ITGA6: variants seen among roughly 807,000 people sequenced by gnomAD.
ITGA6 encodes the protein integrin alpha-6.
Under a neutral mutation model 133.6 loss-of-function variants are expected in ITGA6, and 63 were observed. The observed-to-expected ratio is 0.47, with a 90% CI of 0.38 to 0.58. The LOEUF is 0.58. Ranked by LOEUF, ITGA6 falls within the 20% of genes least tolerant of loss-of-function variation. The probability of loss-of-function intolerance (pLI) is 0.00; values close to 1 mark genes in which losing one functional copy is unlikely to be tolerated. For missense variants in ITGA6, 1,068 were observed against 1,309.4 expected (o/e 0.82, Z 2.85); for synonymous variants, 434 against 482.0 (o/e 0.90, Z 1.30).
intron 1 of ITGA6, among the ~76,000 whole-genome samples, chr2:172,429,901 C>T (rs186780747): frequency 6.2e-4 from 94 of 152,252 alleles, no homozygotes; most frequent in Non-Finnish European, 1.0e-3. Context: ...CATTGGTCTT[C>T]CCAGGAGAAC....
intron 1 of ITGA6, among the ~76,000 whole-genome samples, chr2:172,451,493 C>T (rs1048715374): frequency 1.3e-5 from 2 of 150,572 alleles, no homozygotes; most frequent in African/African-American, 4.9e-5. Flanking sequence ...ATGCTTATGG[C>T]AAGCCTGGCT....
chr2:172,474,373 T>A, intron 6 of ITGA6, 108 bp downstream of exon 6: 1 of 979,588 alleles, frequency 1.0e-6, no homozygotes, highest in Non-Finnish European at 1.6e-6. Context: ...TAAAGAATAT[T>A]TTTATTGCCG....
At chr2:172,470,295 G>A (rs1685864884) in intron 4 of ITGA6, among the ~76,000 whole-genome samples, 1 of 151,826 alleles carries the variant, frequency 6.6e-6, no homozygotes, top group Non-Finnish European at 1.5e-5. Context: ...GTATTTCCCA[G>A]GTTATTTTGA....
rs574607831 is a variant in ITGA6 at position 172,445,940 on chromosome 2, C to T, written c.182+17970C>T. 9.2e-5 allele frequency among the ~76,000 whole-genome samples: 14 copies of T among 152,332 alleles called. No homozygotes were observed. In the South Asian group the frequency reaches 2.3e-3, roughly 25 times the overall value. Reference sequence around the variant, plus strand: ...AGCAGCAGTGTGATGCTTTGTCACACGTCCTATTCAGCAGAACTGAGTTGT... The same window carrying T: ...AGCAGCAGTGTGATGCTTTGTCACATGTCCTATTCAGCAGAACTGAGTTGT... On this transcript the variant is annotated intron_variant, in intron 1 of 25. Transcript: ENST00000684293.
At chr2:172,479,945 T>G in intron 10 of ITGA6, 45 bp from the exon 11 acceptor site, 2 of 1,350,094 alleles carry the variant, frequency 1.5e-6, no homozygotes, top group Non-Finnish European at 2.1e-6. Context: ...TTTTTTCCAC[T>G]GCAATAATGG....
rs1284603401 is a variant in ITGA6, at chr2:172,484,856, C to T, written c.1624C>T (p.Gln542Ter). 1 of 1,613,882 alleles carries T rather than the reference C, an allele frequency of 6.2e-7. No individual in the cohort carries two copies. The highest frequency in any genetic ancestry group is 8.5e-7 in the Non-Finnish European group (1 of 1,179,938). The change falls in exon 12 of 26, where the codon CAA becomes TAA. Residue 542 changes from glutamine to a stop codon, truncating the protein, a stop_gained. Transcript: ENST00000684293. LOFTEE classifies it high-confidence loss of function. The part of the protein sequence containing the change: ...GLSSRVQFRN[Q>*]GSEPKYTQEL... The stretch of plus-strand genomic sequence containing the variant: ...ATCCTCAAGAGTTCAGTTTCGAAAC[C>T]AAGGTTCTGAGCCCAAATATACTCA...
intron 23 of ITGA6, among the ~76,000 whole-genome samples, chr2:172,495,872 G>C (rs1042159170): frequency 1.3e-5 from 2 of 149,938 alleles, no homozygotes; most frequent in African/African-American, 5.0e-5. Flanking sequence ...CCTACTGTCA[G>C]CTGTTTTAAA....
rs761943613 is a variant in ITGA6 at position 172,469,270 on chromosome 2, G to A, written c.533G>A (p.Arg178Gln). ...GGAGATTGGAGCTTTTGTGATGGGC[G>A]ATTGAGAGGCCATGAGAAATTTGGC... ...DGGDWSFCDG[R>Q]LRGHEKFGSC... The change falls in exon 4 of 26, where the codon CGA (arginine) becomes CAA (glutamine). Residue 178 changes from arginine (R) to glutamine (Q), a missense_variant. Arg to Gln is a conservative substitution (Grantham distance 43, BLOSUM62 1). Around this residue, in one of 3 missense-constraint regions of ITGA6, gnomAD observed 317 missense variants for 456.9 expected, o/e 0.69. Coordinates refer to ENST00000684293, the MANE Select transcript of ITGA6 (RefSeq NM_000210.4). The A allele has an allele frequency of 1.9e-6, 3 of 1,614,142 alleles. No homozygotes were observed. The highest frequency in any genetic ancestry group is 2.2e-5 in the East Asian group (1 of 44,890).
chr2:172,499,121 T>G (rs1687247703), intron 24 of ITGA6, among the ~76,000 whole-genome samples: 1 of 152,116 alleles, frequency 6.6e-6, no homozygotes, highest in African/African-American at 2.4e-5. Context: ...TACATAAGGG[T>G]TCAAGATAGT....
In ITGA6 at chr2:172,427,846, C is replaced by G; in HGVS notation, c.58C>G (p.Leu20Val). ...LYLSAGLLSR[L>V]GAAFNLDTRE... Reference sequence around the variant, plus strand: ...CCTGTCGGCGGGGCTCCTGTCCCGGCTCGGCGCAGCCTTCAACTTGGACAC... The same window carrying G: ...CCTGTCGGCGGGGCTCCTGTCCCGGGTCGGCGCAGCCTTCAACTTGGACAC... Residue 20 changes from leucine (L) to valine (V), a missense_variant, in exon 1 of 26, where the codon CTC (leucine) becomes GTC (valine). Leu to Val is a conservative substitution (Grantham distance 32). Coordinates refer to ENST00000684293, the MANE Select transcript of ITGA6 (RefSeq NM_000210.4). 1 of 1,606,396 alleles carries G rather than the reference C, an allele frequency of 6.2e-7. No individual in the cohort carries two copies. Among genetic ancestry groups the G allele is most frequent in the Non-Finnish European group, 8.5e-7 (1 of 1,177,076 alleles).
intron 11 of ITGA6, among the ~76,000 whole-genome samples, chr2:172,483,340 G>T (rs936498474): frequency 2.0e-5 from 3 of 152,160 alleles, no homozygotes; most frequent in Non-Finnish European, 4.4e-5. Flanking sequence ...TCAGAAGCTG[G>T]TGCTGCTTCT....
chr2:172,487,200 G>A, intron 14 of ITGA6, 62 bp downstream of exon 14: 1 of 1,542,530 alleles, frequency 6.5e-7, no homozygotes, highest in Non-Finnish European at 9.0e-7. Context: ...TTTGTGTTAA[G>A]AAAGTTTACT....
chr2:172,488,151 T>C lies in ITGA6; in HGVS notation c.2428T>C (p.Phe810Leu). 6.2e-7 allele frequency: 1 copy of C among 1,614,024 alleles called. No homozygotes were observed. The highest frequency in any genetic ancestry group is 8.5e-7 in the Non-Finnish European group (1 of 1,179,958). The change falls in exon 19 of 26, where the codon TTT becomes CTT. Residue 810 changes from phenylalanine to leucine, a missense_variant. Phe to Leu is a conservative substitution (Grantham distance 22, BLOSUM62 0). Around this residue, in one of 3 missense-constraint regions of ITGA6, gnomAD observed 609 missense variants for 707.2 expected, o/e 0.86. Coordinates refer to ENST00000684293, the MANE Select transcript of ITGA6 (RefSeq NM_000210.4). Reference protein sequence around the residue: ...SGVAKPSQVYFGGTVVGEQAM... With the variant: ...SGVAKPSQVYLGGTVVGEQAM... ...AGTTGCTAAACCTTCCCAGGTGTAT[T>C]TTGGAGGTACAGTTGTTGGCGAGCA... is the stretch of plus-strand genomic sequence containing the variant.
rs79047299 is a variant in ITGA6 at position 172,477,860 on chromosome 2, C to T, written c.1388+1347C>T. 3.2e-4 allele frequency among the ~76,000 whole-genome samples: 49 copies of T among 152,284 alleles called. 1 individual carries two copies. In the East Asian group the frequency reaches 9.4e-3, roughly 29 times the overall value. ...GCACCTAAATCTTCCTGACTTGAAT[C>T]CTGTGCATTTTTTCTACTAAATTGT... On this transcript the variant is annotated intron_variant, in intron 9 of 25. Coordinates refer to ENST00000684293, the MANE Select transcript of ITGA6 (RefSeq NM_000210.4).
In ITGA6 at chr2:172,504,293, C is replaced by G; in HGVS notation, c.*225C>G. 7.0e-7 allele frequency: 1 copy of G among 1,430,980 alleles called. No individual in the cohort carries two copies. Among genetic ancestry groups the G allele is most frequent in the Non-Finnish European group, 9.4e-7 (1 of 1,064,122 alleles). 88.6% of individuals were successfully genotyped at this position (1,430,980 alleles called of 1,614,324 possible). ...AAAAAGCTTCACAGTACCCAAACTG[C>G]TTTTTCCAACTCAGAAATTCAATTT... On this transcript the variant is annotated 3_prime_UTR_variant, in exon 26 of 26. Transcript: ENST00000684293.
chr2:172,485,000 G>A, intron 12 of ITGA6, 58 bp downstream of exon 12: 1 of 1,595,702 alleles, frequency 6.3e-7, no homozygotes, highest in Non-Finnish European at 8.6e-7. Context: ...AGGTTATATG[G>A]TGATATACAG....
chr2:172,489,961 G>C (rs1686851844), intron 20 of ITGA6: 3 of 319,680 alleles, frequency 9.4e-6, no homozygotes, highest in South Asian at 6.9e-5. Context: ...GGATGCTCCT[G>C]GGGTAATAGT....
At chr2:172,450,810 G>C (rs996948238) in intron 1 of ITGA6, among the ~76,000 whole-genome samples, 12 of 144,772 alleles carry the variant, frequency 8.3e-5, no homozygotes, top group Non-Finnish European at 1.5e-4. Context: ...TATATATTTT[G>C]TATGTATGTG....
At chr2:172,442,277 A>T (rs915523870) in intron 1 of ITGA6, among the ~76,000 whole-genome samples, 1 of 152,178 alleles carries the variant, frequency 6.6e-6, no homozygotes, top group Non-Finnish European at 1.5e-5. Flanking sequence ...CCCGGTAGGA[A>T]GTGATTGCCC....
Sources: gnomAD v4.1 joint callset for allele counts (sites outside exome capture counted in the v4.1 genomes callset) on GRCh38, gnomAD v4.1.1 for gene constraint, gnomAD v4.1.1 regional missense constraint, MANE v1.5 for transcripts, NCBI Gene and HGNC (gene_info 2026-07-23, HGNC 2026-07-21) for gene names.